Variants in AHI1 observed in about 807,000 individuals in gnomAD.
The protein encoded by AHI1 is jouberin.
AHI1 carries 123 observed loss-of-function variants against 149.3 expected under a neutral mutation model. The ratio of observed to expected loss-of-function variants is 0.82; its 90% CI spans 0.71 to 0.96. The LOEUF is 0.96. Ranked by LOEUF, AHI1 falls within the 40% of genes least tolerant of loss-of-function variation. The pLI, the probability that AHI1 is intolerant of heterozygous loss-of-function variation, is 0.00. For missense variants in AHI1, 1,439 were observed against 1,422.7 expected (o/e 1.01, Z -0.18); for synonymous variants, 475 against 459.8 (o/e 1.03, Z -0.42).
At position 135,448,323 on chromosome 6, in the gene AHI1, G is replaced by A. The variant is rs370332260; in HGVS notation, c.1593C>T (p.Tyr531=). Residue 531 remains tyrosine (Y), a synonymous_variant, in exon 12 of 29, where the codon TAC becomes TAT. Coordinates refer to ENST00000265602, the MANE Select transcript of AHI1 (RefSeq NM_001134831.2). The part of the protein sequence containing the change: ...CPRNHYPSTL[Y]VTVRGLKVPD... Reference sequence around the variant, plus strand: ...GAACTTTCAGTCCTCTTACAGTTACGTACAGTGTTGATGGGTAATGATTTC... The same window carrying A: ...GAACTTTCAGTCCTCTTACAGTTACATACAGTGTTGATGGGTAATGATTTC... 140 of 1,607,390 alleles carry A rather than the reference G, an allele frequency of 8.7e-5. 3 individuals carry two copies. The highest frequency in any genetic ancestry group is 1.6e-4 in the Middle Eastern group (1 of 6,062).
At chr6:135,385,056 T>C (rs1053422093) in intron 23 of AHI1, among the ~76,000 whole-genome samples, 1 of 152,094 alleles carries the variant, frequency 6.6e-6, no homozygotes, top group African/African-American at 2.4e-5. Context: ...GCCACTGCAC[T>C]CCTGCCTGGG....
rs531811357 is a variant in AHI1, at chr6:135,496,837, T to C, written c.-140+351A>G. On this transcript the variant is annotated intron_variant, in intron 2 of 28. Transcript: ENST00000265602. ...AAGATTCTAACTTCATAAATATTAT[T>C]CCTCATAAACAAGATTCTAGGTATG... 3.6e-4 allele frequency among the ~76,000 whole-genome samples: 55 copies of C among 152,346 alleles called. No homozygotes were observed. The South Asian group carries it at 4.8e-3, about 13-fold the overall frequency.
At chr6:135,407,243 T>G (rs1780922704) in intron 21 of AHI1, among the ~76,000 whole-genome samples, 1 of 152,040 alleles carries the variant, frequency 6.6e-6, no homozygotes, top group South Asian at 2.1e-4. Context: ...GTACCATAAT[T>G]TATTAGAAAA....
At chr6:135,327,148 C>T (rs1787826795) in intron 24 of AHI1, among the ~76,000 whole-genome samples, 1 of 152,116 alleles carries the variant, frequency 6.6e-6, no homozygotes, top group Admixed American at 6.5e-5. Flanking sequence ...TCTGCAAAAC[C>T]ACCCAGTCTG....
intron 26 of AHI1, chr6:135,302,347 A>C: frequency 2.0e-6 from 2 of 988,582 alleles, no homozygotes; most frequent in Non-Finnish European, 2.4e-6. Context: ...ATACTGAACT[A>C]TATACCAGTG....
rs761997683 is a variant in AHI1, at chr6:135,482,894, CTTT to C, written c.135+7726_135+7728del. Among the ~76,000 whole-genome samples, 7 of 55,734 alleles carry C rather than the reference CTTT, an allele frequency of 1.3e-4. 1 individual carries two copies. The South Asian group carries it at 3.3e-3, about 27-fold the overall frequency. The allele number at this position is 55,734 out of a possible 152,430, so 36.6% of individuals were successfully genotyped here. On this transcript the variant is annotated intron_variant, in intron 5 of 28. Transcript: ENST00000265602. ...TTCAACCAGTATAATCCATTTAAGG[CTTT>C]TTTTTTTTTTTTGAGACAGAGTCTC...
chr6:135,340,646 T>C (rs1399923983), intron 24 of AHI1, among the ~76,000 whole-genome samples: 1 of 66,506 alleles, frequency 1.5e-5, no homozygotes, highest in Non-Finnish European at 2.5e-5. Flanking sequence ...AGTACATATA[T>C]ATACATACAT....
chr6:135,363,883 G>A (rs1198473011), intron 23 of AHI1, among the ~76,000 whole-genome samples: 4 of 146,790 alleles, frequency 2.7e-5, no homozygotes, highest in Admixed American at 2.0e-4. Flanking sequence ...GCGGCTGGCC[G>A]GACGGGGGGC....
chr6:135,315,013 T>C (rs887580433), intron 26 of AHI1, among the ~76,000 whole-genome samples: 2 of 152,218 alleles, frequency 1.3e-5, no homozygotes, highest in Non-Finnish European at 2.9e-5. Context: ...GTAATCCATA[T>C]CTAGTTTTTT....
At chr6:135,475,989 A>C (rs1156546972) in intron 5 of AHI1, among the ~76,000 whole-genome samples, 1 of 152,074 alleles carries the variant, frequency 6.6e-6, no homozygotes, top group South Asian at 2.1e-4. Flanking sequence ...TACTCTTCTT[A>C]TTTCTATCCT....
chr6:135,429,716 T>C (rs571181910), intron 18 of AHI1, among the ~76,000 whole-genome samples, 166 bp downstream of exon 18: 7 of 151,490 alleles, frequency 4.6e-5, no homozygotes, highest in Non-Finnish European at 1.0e-4. Context: ...ACTCATTAGA[T>C]ACTAGAAGCA....
In AHI1 at chr6:135,442,634, A is replaced by G. The variant is rs770425188; in HGVS notation, c.1860T>C (p.Asn620=). ...RGCFCLDFSH[N]GRILAAACAS... ...CACAAGCTGCTGCTAATATTCTTCC[A>G]TTGTGGGAGAAATCAAGACAAAAAC... is the stretch of plus-strand genomic sequence containing the variant. Residue 620 remains asparagine, a synonymous_variant, in exon 14 of 29, where the codon AAT becomes AAC. Coordinates refer to ENST00000265602, the MANE Select transcript of AHI1 (RefSeq NM_001134831.2). The G allele has an allele frequency of 2.5e-6, 4 of 1,609,896 alleles. No individual in the cohort carries two copies. In the South Asian group the frequency reaches 4.4e-5, roughly 18 times the overall value.
rs928556465 is a variant in AHI1 at position 135,492,949 on chromosome 6, A to G, written c.-54-658T>C. 27 of 976,700 alleles carry G rather than the reference A, an allele frequency of 2.8e-5. No homozygotes were observed. In the African/African-American group the frequency reaches 4.4e-4, roughly 16 times the overall value. The allele number at this position is 976,700 out of a possible 1,614,324, so 60.5% of individuals were successfully genotyped here. A position where few individuals can be genotyped will look rare whatever the true frequency, so the allele number is the denominator to read the frequency against. Reference sequence around the variant, plus strand: ...CTCACATTAGAACATTTAGAATGTAATATGCATGTTTTTGAGACTAAAACT... The same window carrying G: ...CTCACATTAGAACATTTAGAATGTAGTATGCATGTTTTTGAGACTAAAACT... On this transcript the variant is annotated intron_variant, in intron 3 of 28. Transcript: ENST00000265602.
chr6:135,326,143 G>A (rs988786330), intron 24 of AHI1, among the ~76,000 whole-genome samples: 1 of 152,182 alleles, frequency 6.6e-6, no homozygotes, highest in Non-Finnish European at 1.5e-5. Context: ...TTCTGTGACT[G>A]TTATGGACTG....
intron 24 of AHI1, among the ~76,000 whole-genome samples, chr6:135,341,026 T>G (rs1200245448): frequency 6.6e-6 from 1 of 151,584 alleles, no homozygotes; most frequent in Non-Finnish European, 1.5e-5. Context: ...CAAAAGTGAG[T>G]AACGGTGAAA....
At position 135,455,870 on chromosome 6, in the gene AHI1, A is replaced by T; in HGVS notation, c.1208T>A (p.Ile403Asn). Reference sequence around the variant, plus strand: ...TTTAAAATCATATGGCTGGGTCATAATAGGAAGAATATAATCCACATTCTC... The same window carrying T: ...TTTAAAATCATATGGCTGGGTCATATTAGGAAGAATATAATCCACATTCTC... Reference protein sequence around the residue: ...EKENVDYILPIMTQPYDFKQL... With the variant: ...EKENVDYILPNMTQPYDFKQL... Residue 403 changes from isoleucine to asparagine, a missense_variant, in exon 10 of 29, where the codon ATT (isoleucine) becomes AAT (asparagine). By Grantham distance (149) the Ile-to-Asn change is moderately radical. Coordinates refer to ENST00000265602, the MANE Select transcript of AHI1 (RefSeq NM_001134831.2). The T allele has an allele frequency of 6.3e-7, 1 of 1,586,598 alleles. No homozygotes were observed. The highest frequency in any genetic ancestry group is 8.6e-7 in the Non-Finnish European group (1 of 1,162,470).
At chr6:135,299,075 T>A (rs1322189006) in intron 27 of AHI1, among the ~76,000 whole-genome samples, 2 of 152,176 alleles carry the variant, frequency 1.3e-5, no homozygotes, top group African/African-American at 4.8e-5. Context: ...TGACTGTTTA[T>A]CTACTATTAT....
At chr6:135,428,173 T>A (rs1562744457) in intron 19 of AHI1, among the ~76,000 whole-genome samples, 1 of 151,638 alleles carries the variant, frequency 6.6e-6, no homozygotes, top group East Asian at 1.9e-4. Flanking sequence ...GGAAAAAAAC[T>A]GAACTGCAGT....
At chr6:135,351,154 AAAAG>A (rs1472747149) in intron 24 of AHI1, among the ~76,000 whole-genome samples, 2 of 152,058 alleles carry the variant, frequency 1.3e-5, no homozygotes, top group East Asian at 1.9e-4. Context: ...CAAAAAAAAA[AAAAG>A]AAAGAAAATT....
Sources: gnomAD v4.1 joint callset for allele counts (sites outside exome capture counted in the v4.1 genomes callset) on GRCh38, gnomAD v4.1.1 for gene constraint, MANE v1.5 for transcripts, NCBI Gene and HGNC (gene_info 2026-07-23, HGNC 2026-07-21) for gene names.